The following CACNA1D variants were observed in gnomAD, a reference collection of about 807,000 sequenced individuals.
CACNA1D encodes voltage-dependent L-type calcium channel subunit alpha-1D.
Under a neutral mutation model 257.1 loss-of-function variants are expected in CACNA1D, and 55 were observed. That is an observed-to-expected ratio of 0.21 (90% confidence interval 0.17 to 0.27). CACNA1D has a LOEUF of 0.27. Among genes scored for constraint, CACNA1D ranks in the 10% least tolerant of loss-of-function variants. The pLI is 1.00. For synonymous variants in CACNA1D, 980 were observed against 1,014.9 expected (o/e 0.97, Z 0.65); for missense variants, 1,876 against 2,784.0 (o/e 0.67, Z 7.34).
chr3:53,718,417 C>T, intron 10 of CACNA1D, 29 bp downstream of exon 10: 1 of 1,592,490 alleles, frequency 6.3e-7, no homozygotes, highest in East Asian at 2.2e-5. Context: ...TGCCCTCTTT[C>T]CCCTCCTGTT....
At chr3:53,498,154 C>T (rs962530048) in intron 2 of CACNA1D, among the ~76,000 whole-genome samples, 1 of 152,130 alleles carries the variant, frequency 6.6e-6, no homozygotes, top group Non-Finnish European at 1.5e-5. Context: ...GGGAGAGGCT[C>T]GTGTGTGCCT....
intron 37 of CACNA1D, 50 bp from the exon 38 acceptor site, chr3:53,779,976 C>A: frequency 8.3e-7 from 1 of 1,199,328 alleles, no homozygotes; most frequent in Non-Finnish European, 1.2e-6. Context: ...AGGATATGGT[C>A]GTGGTCACTC....
At chr3:53,658,706 T>G (rs2094173123) in intron 4 of CACNA1D, among the ~76,000 whole-genome samples, 1 of 152,220 alleles carries the variant, frequency 6.6e-6, no homozygotes, top group Non-Finnish European at 1.5e-5. Context: ...ACTTTAGCCT[T>G]GCTGCAGGGA....
intron 22 of CACNA1D, among the ~76,000 whole-genome samples, chr3:53,744,429 C>A (rs1478858239): frequency 6.6e-6 from 1 of 152,202 alleles, no homozygotes; most frequent in Non-Finnish European, 1.5e-5. Context: ...AGCCTAAAAG[C>A]CAGCTACTAC....
intron 3 of CACNA1D, among the ~76,000 whole-genome samples, chr3:53,585,356 AT>A (rs1323056360): frequency 2.0e-5 from 3 of 152,068 alleles, no homozygotes; most frequent in Non-Finnish European, 2.9e-5. Context: ...CATAGCATAG[AT>A]TTGCTTCTTA....
intron 3 of CACNA1D, among the ~76,000 whole-genome samples, chr3:53,526,052 T>G (rs1382031749): frequency 6.6e-6 from 1 of 152,216 alleles, no homozygotes; most frequent in African/African-American, 2.4e-5. Flanking sequence ...CCTACGCCTT[T>G]CCACCTTCCA....
At chr3:53,760,352 G>C (rs2095293797) in intron 29 of CACNA1D, among the ~76,000 whole-genome samples, 2 of 152,152 alleles carry the variant, frequency 1.3e-5, no homozygotes, top group South Asian at 4.1e-4. Flanking sequence ...CTGGGTCTGT[G>C]TTTGATCACA....
At chr3:53,635,522 T>C (rs1001029345) in intron 3 of CACNA1D, among the ~76,000 whole-genome samples, 4 of 152,138 alleles carry the variant, frequency 2.6e-5, no homozygotes, top group South Asian at 2.1e-4. Flanking sequence ...TTCCCTTTTT[T>C]CTCTGTCCAG....
chr3:53,772,880 T>C lies in CACNA1D; in HGVS notation c.4092T>C (p.Tyr1364=). The change falls in exon 33 of 48, where the codon TAT becomes TAC. Residue 1364 remains tyrosine (Y), a synonymous_variant. Coordinates refer to ENST00000350061, the MANE Select transcript of CACNA1D (RefSeq NM_001128840.3). ...ALLIAMLFFI[Y]AVIGMQMFGK... is the part of the protein sequence containing the mutation. The stretch of plus-strand genomic sequence containing the variant: ...TCATAGCCATGCTGTTCTTCATCTA[T>C]GCGGTCATTGGCATGCAGGTAAGCT... 6.2e-7 allele frequency: 1 copy of C among 1,613,990 alleles called. No individual in the cohort carries two copies. The highest frequency in any genetic ancestry group is 8.5e-7 in the Non-Finnish European group (1 of 1,179,974).
rs368496441 is a variant in CACNA1D, at chr3:53,805,084, C to T, written c.5687C>T (p.Ser1896Leu). 1.2e-5 allele frequency: 19 copies of T among 1,614,130 alleles called. No individual in the cohort carries two copies. The highest frequency in any genetic ancestry group is 1.0e-4 in the Admixed American group (6 of 60,024). ...CAAGGATTCTTGGAGGACGATGACT[C>T]GCCCGTTTGCTATGATTCACGGAGA... The part of the protein sequence containing the change: ...HPQGFLEDDD[S>L]PVCYDSRRSP... The change falls in exon 45 of 48, where the codon TCG becomes TTG. Residue 1896 changes from serine to leucine, a missense_variant. Ser to Leu is a moderately radical substitution (Grantham distance 145, BLOSUM62 -2). Transcript: ENST00000350061.
At chr3:53,762,445 G>T in intron 30 of CACNA1D, 1 of 429,174 alleles carries the variant, frequency 2.3e-6, no homozygotes, top group East Asian at 6.6e-5. Context: ...TCAAGTCGCC[G>T]TGTGGCGCGA....
Position 53,723,600 on chromosome 3 carries a change from T to G in CACNA1D, c.1833T>G (p.Ser611=). The change falls in exon 13 of 48, where the codon TCT becomes TCG. Residue 611 remains serine (S), a synonymous_variant. Coordinates refer to ENST00000350061, the MANE Select transcript of CACNA1D (RefSeq NM_001128840.3). The surrounding 1 kb of genome is among the most constrained non-coding windows in gnomAD (Gnocchi z 5.6). Reference sequence around the variant, plus strand: ...TCTTGGTGGAACTGGAAATCATGTCTCCCCTGGGGATCTCTGTGTTTCGGT... The same window carrying G: ...TCTTGGTGGAACTGGAAATCATGTCGCCCCTGGGGATCTCTGTGTTTCGGT... ...ETILVELEIM[S]PLGISVFRCV... 1 of 1,614,168 alleles carries G rather than the reference T, an allele frequency of 6.2e-7. No individual in the cohort carries two copies. The highest frequency in any genetic ancestry group is 1.1e-5 in the South Asian group (1 of 91,074).
intron 3 of CACNA1D, among the ~76,000 whole-genome samples, chr3:53,616,787 CT>C (rs985053320): frequency 5.3e-5 from 8 of 151,780 alleles, no homozygotes; most frequent in African/African-American, 1.9e-4. Context: ...TTTGCCTTGC[CT>C]TTTTTTCTTT....
chr3:53,754,945 G>T (rs774155896), intron 29 of CACNA1D, among the ~76,000 whole-genome samples: 3 of 152,184 alleles, frequency 2.0e-5, no homozygotes, highest in Non-Finnish European at 2.9e-5. Flanking sequence ...AAGGACATTT[G>T]TAAGTGATTA....
At chr3:53,554,860 A>G (rs773620273) in intron 3 of CACNA1D, among the ~76,000 whole-genome samples, 5 of 152,188 alleles carry the variant, frequency 3.3e-5, no homozygotes, top group African/African-American at 4.8e-5. Context: ...GAGCTCAATG[A>G]CTATTTGCAT....
rs2092559151 is a variant in CACNA1D, at chr3:53,552,672, C to A, written c.483+50952C>A. Among the ~76,000 whole-genome samples, 3 of 152,132 alleles carry A rather than the reference C, an allele frequency of 2.0e-5. 1 individual carries two copies. In the South Asian group the frequency reaches 6.2e-4, roughly 32 times the overall value. On this transcript the variant is annotated intron_variant, in intron 3 of 47. Transcript: ENST00000350061. ...CTGGGGTTACAGGACATTTCCCTTT[C>A]TTGTTTGATTTCTCCTGGTATCTTC...
intron 23 of CACNA1D, among the ~76,000 whole-genome samples, chr3:53,745,235 TTTC>T (rs1348829881): frequency 6.8e-6 from 1 of 147,820 alleles, no homozygotes; most frequent in Non-Finnish European, 1.5e-5. Context: ...ACCTGTAGCA[TTTC>T]TTCTTTTTTT....
chr3:53,572,366 G>GTTTATTTA (rs1201457518), intron 3 of CACNA1D, among the ~76,000 whole-genome samples: 89 of 60,074 alleles, frequency 1.5e-3, no homozygotes, highest in Admixed American at 5.2e-3. Flanking sequence ...TGGTTTGTTT[G>GTTTATTTA]TTTGTTTGTT....
At chr3:53,522,205 T>A (rs181286261) in intron 3 of CACNA1D, among the ~76,000 whole-genome samples, 151 of 152,318 alleles carry the variant, frequency 9.9e-4, no homozygotes, top group Non-Finnish European at 1.7e-3. Context: ...ATGGGTTGTT[T>A]CCATGATTGC....
Sources: allele counts gnomAD v4.1 joint callset (sites outside exome capture counted in the v4.1 genomes callset), GRCh38; gene constraint gnomAD v4.1.1; non-coding constraint Gnocchi (gnomAD v3.1); transcripts MANE v1.5; gene names NCBI Gene and HGNC (gene_info 2026-07-23, HGNC 2026-07-21).